PRIM2: variants seen among roughly 807,000 people sequenced by gnomAD.
PRIM2 encodes the protein DNA primase subunit 2, also known as DNA primase large subunit.
Under a neutral mutation model 67.3 loss-of-function variants are expected in PRIM2, and 39 were observed. That is an observed-to-expected ratio of 0.58 (90% CI 0.45 to 0.76). PRIM2 has a LOEUF of 0.76. Among genes scored for constraint, PRIM2 ranks in the 30% least tolerant of loss-of-function variants. The pLI, the probability that PRIM2 is intolerant of heterozygous loss-of-function variation, is 0.00. For synonymous variants in PRIM2, 143 were observed against 198.7 expected, an observed-to-expected ratio of 0.72 and a Z score of 2.36; for missense variants, 398 against 598.7, an observed-to-expected ratio of 0.66 and a Z score of 3.50.
At chr6:57,307,967 T>C in the PRIM2 span, among the ~76,000 whole-genome samples, 4 of 152,320 alleles carry the variant, frequency 2.6e-5, no homozygotes, top group South Asian at 6.2e-4. Flanking sequence ...ATCCAGCATA[T>C]ACAGTATTGT....
chr6:57,367,655 C>T (rs1024855788), intron 5 of PRIM2, among the ~76,000 whole-genome samples: 5 of 152,202 alleles, frequency 3.3e-5, no homozygotes, highest in Non-Finnish European at 7.4e-5. Flanking sequence ...TCTTAGTTGA[C>T]AACTAGTCTG....
chr6:57,268,259 C>T, the PRIM2 span, among the ~76,000 whole-genome samples: 1 of 152,082 alleles, frequency 6.6e-6, no homozygotes, highest in African/African-American at 2.4e-5. Context: ...GCCAGAATGC[C>T]CACCAGGTGG....
At chr6:57,619,220 G>A (rs1413342137) in intron 12 of PRIM2, among the ~76,000 whole-genome samples, 8 of 152,260 alleles carry the variant, frequency 5.3e-5, no homozygotes, top group Admixed American at 5.2e-4. Context: ...AGGAAAAGGG[G>A]AGAGTACTAC....
intron 5 of PRIM2, among the ~76,000 whole-genome samples, chr6:57,376,588 A>G (rs62418041): frequency 6.6e-6 from 1 of 152,236 alleles, no homozygotes; most frequent in Non-Finnish European, 1.5e-5. Flanking sequence ...AGAGGCATAC[A>G]CAAAAGCTAT....
At chr6:57,311,352 A>G (rs1483479446), upstream of PRIM2, among the ~76,000 whole-genome samples, 7 of 135,614 alleles carry the variant, frequency 5.2e-5, no homozygotes, top group Middle Eastern at 4.2e-3. Flanking sequence ...ACTTCCTCCC[A>G]GACGGGGCGG....
At chr6:57,346,357 C>T (rs1156295333) in intron 5 of PRIM2, among the ~76,000 whole-genome samples, 2 of 152,050 alleles carry the variant, frequency 1.3e-5, no homozygotes, top group Non-Finnish European at 2.9e-5. Flanking sequence ...CACTCTGTCG[C>T]CCAGGCTGGA....
At position 57,542,939 on chromosome 6, in the gene PRIM2, A is replaced by ATTTTTTTTTTTTTTTTTTTTTTTTTTT. The variant is rs1193756482; in HGVS notation, c.1020+5333_1020+5334insTTTTTTTTTTTTTTTTTTTTTTTTTTT. Among the ~76,000 whole-genome samples, 34 of 71,896 alleles carry ATTTTTTTTTTTTTTTTTTTTTTTTTTT rather than the reference A, an allele frequency of 4.7e-4. 11 individuals carry two copies. Among genetic ancestry groups the ATTTTTTTTTTTTTTTTTTTTTTTTTTT allele is most frequent in the Non-Finnish European group, 5.7e-4 (22 of 38,822 alleles). The allele number at this position is 71,896 out of a possible 152,430, so 47.2% of individuals were successfully genotyped here. A position where few individuals can be genotyped will look rare whatever the true frequency, so the allele number is the denominator to read the frequency against. On this transcript the variant is annotated intron_variant, in intron 10 of 13. Coordinates refer to ENST00000615550, the MANE Select transcript of PRIM2 (RefSeq NM_000947.5). ...GTTGGCTTAAAATACTGCTTATAGG[A>ATTTTTTTTTTTTTTTTTTTTTTTTTTT]TTTTTTTTTTTTTTTTTTTGAGACG...
intron 10 of PRIM2, among the ~76,000 whole-genome samples, chr6:57,597,605 T>G (rs1166659744): frequency 6.6e-6 from 1 of 152,214 alleles, no homozygotes; most frequent in Admixed American, 6.5e-5. Flanking sequence ...TTAATATTAC[T>G]GTCCCTATAG....
At chr6:57,281,991 T>C in the PRIM2 span, among the ~76,000 whole-genome samples, 1 of 152,192 alleles carries the variant, frequency 6.6e-6, no homozygotes, top group East Asian at 1.9e-4. Flanking sequence ...TCCTTCCAGA[T>C]TGACCAAGGA....
chr6:57,231,863 A>AGC, the PRIM2 span, among the ~76,000 whole-genome samples: 1 of 151,056 alleles, frequency 6.6e-6, no homozygotes, highest in East Asian at 1.9e-4. Flanking sequence ...GGAAAAAAAA[A>AGC]AAACCACTAG....
At chr6:57,532,137 A>G (rs1467988978) in intron 8 of PRIM2, among the ~76,000 whole-genome samples, 2 of 152,230 alleles carry the variant, frequency 1.3e-5, no homozygotes, top group Non-Finnish European at 2.9e-5. Flanking sequence ...AACTTTAACA[A>G]CAACTTGGAT....
At chr6:57,609,884 A>G (rs1393669519) in intron 12 of PRIM2, among the ~76,000 whole-genome samples, 1,662 of 152,290 alleles carry the variant, frequency 0.011, 27 homozygotes, top group African/African-American at 0.038. Context: ...CATTTTGATA[A>G]GGTTGAATTT....
At chr6:57,295,019 G>A in the PRIM2 span, among the ~76,000 whole-genome samples, 1 of 152,112 alleles carries the variant, frequency 6.6e-6, no homozygotes, top group East Asian at 1.9e-4. Context: ...ATGTTGGCCA[G>A]GCTTGTCTCC....
chr6:57,374,518 T>C (rs1769687371), intron 5 of PRIM2, among the ~76,000 whole-genome samples: 1 of 150,982 alleles, frequency 6.6e-6, no homozygotes, highest in South Asian at 2.1e-4. Context: ...GGTCTCGATC[T>C]CCTGACCTCG....
the PRIM2 span, among the ~76,000 whole-genome samples, chr6:57,295,082 C>T: frequency 2.0e-5 from 3 of 152,182 alleles, no homozygotes; most frequent in Admixed American, 6.5e-5. Context: ...TTAGCCACCA[C>T]GCCCAGCTGT....
chr6:57,538,847 A>G (rs1255901864), intron 10 of PRIM2, among the ~76,000 whole-genome samples: 1 of 152,028 alleles, frequency 6.6e-6, no homozygotes, highest in African/African-American at 2.4e-5. Context: ...TTTTCTTATA[A>G]ATACACTAGT....
At chr6:57,416,030 A>G (rs1771248762) in intron 7 of PRIM2, among the ~76,000 whole-genome samples, 1 of 152,216 alleles carries the variant, frequency 6.6e-6, no homozygotes, top group Non-Finnish European at 1.5e-5. Context: ...TGAATCACAA[A>G]TGTTCTTAAT....
the PRIM2 span, among the ~76,000 whole-genome samples, chr6:57,274,048 C>T: frequency 6.6e-6 from 1 of 152,204 alleles, no homozygotes. Flanking sequence ...CTGGGGGGTG[C>T]CTCCCAGTTA....
At chr6:57,322,728 T>TCC (rs1767700749) in intron 3 of PRIM2, among the ~76,000 whole-genome samples, 1 of 152,156 alleles carries the variant, frequency 6.6e-6, no homozygotes, top group Non-Finnish European at 1.5e-5. Context: ...TGGACTAATG[T>TCC]AGCTTTACAT....
Sources: gnomAD v4.1 joint callset for allele counts (sites outside exome capture counted in the v4.1 genomes callset) on GRCh38, gnomAD v4.1.1 for gene constraint, MANE v1.5 for transcripts, NCBI Gene and HGNC (gene_info 2026-07-23, HGNC 2026-07-21) for gene names.